The following RNF150 variants were observed in gnomAD, a reference collection of about 807,000 sequenced individuals.
RNF150 encodes ring finger protein 150.
RNF150 carries 24 observed loss-of-function variants against 39.3 expected under a neutral mutation model. That is an observed-to-expected ratio of 0.61 (90% CI 0.44 to 0.86). The LOEUF (loss-of-function observed/expected upper bound fraction) is 0.86. Ranked by LOEUF, RNF150 falls within the 40% of genes least tolerant of loss-of-function variation. The probability of loss-of-function intolerance (pLI) is 0.00; values close to 1 mark genes in which losing one functional copy is unlikely to be tolerated. For synonymous variants in RNF150, 255 were observed against 227.3 expected (o/e 1.12, Z -1.10); for missense variants, 502 against 587.8 (o/e 0.85, Z 1.51).
At chr4:140,877,799 A>T (rs777458943) in intron 6 of RNF150, among the ~76,000 whole-genome samples, 30 of 152,220 alleles carry the variant, frequency 2.0e-4, no homozygotes, top group Non-Finnish European at 3.8e-4. Flanking sequence ...GTGGGTAACC[A>T]AGAGGATTCA....
chr4:140,992,268 G>C (rs1270853396), intron 1 of RNF150, among the ~76,000 whole-genome samples: 1 of 152,152 alleles, frequency 6.6e-6, no homozygotes, highest in Non-Finnish European at 1.5e-5. Flanking sequence ...ACTTTGGGAG[G>C]CTGAGGTAGG....
At chr4:141,094,088 G>C (rs1738690619) in intron 1 of RNF150, among the ~76,000 whole-genome samples, 1 of 152,152 alleles carries the variant, frequency 6.6e-6, no homozygotes, top group Non-Finnish European at 1.5e-5. Flanking sequence ...CAAGAATGCA[G>C]AGAAAATGTT....
chr4:140,897,703 G>GT (rs1204136929), intron 6 of RNF150, among the ~76,000 whole-genome samples: 1 of 152,132 alleles, frequency 6.6e-6, no homozygotes, highest in Non-Finnish European at 1.5e-5. Flanking sequence ...TTGGCACAAA[G>GT]TTTACTAGTG....
At chr4:141,059,331 G>A (rs546991404) in intron 1 of RNF150, among the ~76,000 whole-genome samples, 3 of 151,920 alleles carry the variant, frequency 2.0e-5, no homozygotes, top group Non-Finnish European at 4.4e-5. Flanking sequence ...AATGATTTTG[G>A]TTTTGCATCA....
At position 141,171,536 on chromosome 4, in the gene RNF150, G is replaced by A. The variant is rs541288717; in HGVS notation, c.-6+41258C>T. On this transcript the variant is annotated intron_variant, in intron 1 of 7. Transcript: ENST00000420921. ...ACTTACTAGTGAGTGAGCACAGAAT[G>A]GGGGAACTGAATCCATTACCTCAGT... Among the ~76,000 whole-genome samples, 5 of 152,204 alleles carry A rather than the reference G, an allele frequency of 3.3e-5. No individual in the cohort carries two copies. The East Asian group carries it at 9.7e-4, about 29-fold the overall frequency.
At chr4:140,968,040 C>T (rs1040249312) in intron 1 of RNF150, among the ~76,000 whole-genome samples, 167 bp from the exon 2 acceptor site, 1 of 152,108 alleles carries the variant, frequency 6.6e-6, no homozygotes, top group Non-Finnish European at 1.5e-5. Context: ...GTCAAATTTT[C>T]TCTTTCTTCA....
chr4:141,093,947 CAG>C lies in RNF150; in HGVS notation c.484+38376_484+38377del, dbSNP rs772334261. ...CAAGAGGCTATAAAAGTTGACTAAACAGAGTTGAACAAGAACAAAAAGCAAAT... is the reference window on the plus strand; with the variant it reads ...CAAGAGGCTATAAAAGTTGACTAAACAGTTGAACAAGAACAAAAAGCAAAT... On this transcript the variant is annotated intron_variant, in intron 1 of 6. Coordinates refer to ENST00000515673, the MANE Select transcript of RNF150 (RefSeq NM_020724.2). 5.3e-4 allele frequency among the ~76,000 whole-genome samples: 81 copies of C among 152,058 alleles called. 1 individual carries two copies. The highest frequency in any genetic ancestry group is 2.0e-4 in the Admixed American group (3 of 15,272).
chr4:140,949,680 C>CT (rs1732468917), intron 2 of RNF150, among the ~76,000 whole-genome samples: 2 of 105,106 alleles, frequency 1.9e-5, no homozygotes, highest in South Asian at 2.7e-4. Flanking sequence ...CACTACCCCC[C>CT]CCCAAAAAAA....
intron 1 of RNF150, among the ~76,000 whole-genome samples, chr4:141,193,382 T>C (rs354926): frequency 0.88 from 134,004 of 152,290 alleles, 61,403 homozygotes; most frequent in Non-Finnish European, 1. Flanking sequence ...ACCTAGTCCA[T>C]GTCATTCCAG....
intron 6 of RNF150, among the ~76,000 whole-genome samples, chr4:140,881,199 A>G (rs1458740161): frequency 6.7e-6 from 1 of 149,634 alleles, no homozygotes; most frequent in African/African-American, 2.5e-5. Context: ...GTCTAGCTGT[A>G]TGGCACAGGC....
At chr4:140,971,007 TC>T (rs549177396) in intron 1 of RNF150, among the ~76,000 whole-genome samples, 387 of 152,228 alleles carry the variant, frequency 2.5e-3, no homozygotes, top group African/African-American at 9.0e-3. Flanking sequence ...AATTTAGGTA[TC>T]TAGGGTGTCC....
At chr4:141,114,766 C>A (rs1216795596) in intron 1 of RNF150, among the ~76,000 whole-genome samples, 1 of 152,192 alleles carries the variant, frequency 6.6e-6, no homozygotes, top group African/African-American at 2.4e-5. Flanking sequence ...CAAACCAAAT[C>A]CAGCAGGACA....
intron 5 of RNF150, among the ~76,000 whole-genome samples, 197 bp from the exon 6 acceptor site, chr4:140,911,551 A>C (rs1730606983): frequency 6.6e-6 from 1 of 152,166 alleles, no homozygotes. Flanking sequence ...TTCCTTTCCA[A>C]AGGTTCATTT....
intron 6 of RNF150, among the ~76,000 whole-genome samples, chr4:140,871,586 G>A (rs1728946270): frequency 6.6e-6 from 1 of 152,050 alleles, no homozygotes; most frequent in African/African-American, 2.4e-5. Flanking sequence ...TAAACTGGAA[G>A]TCAACCAAAG....
chr4:140,920,753 C>T (rs900686869), intron 5 of RNF150, among the ~76,000 whole-genome samples: 11 of 151,970 alleles, frequency 7.2e-5, no homozygotes, highest in African/African-American at 1.7e-4. Flanking sequence ...TTTATTGCGG[C>T]ACTATTCACG....
At chr4:140,918,228 C>T (rs2065620618) in intron 5 of RNF150, among the ~76,000 whole-genome samples, 1 of 152,058 alleles carries the variant, frequency 6.6e-6, no homozygotes. Context: ...ACAAAAAACC[C>T]TTCAAAAAAT....
At chr4:140,916,940 C>A (rs1219752982) in intron 5 of RNF150, among the ~76,000 whole-genome samples, 2 of 152,156 alleles carry the variant, frequency 1.3e-5, no homozygotes, top group South Asian at 2.1e-4. Flanking sequence ...TCCAGCCAAA[C>A]TAAGCTTCAT....
intron 1 of RNF150, among the ~76,000 whole-genome samples, chr4:140,992,992 G>A (rs539743010): frequency 3.3e-5 from 5 of 152,062 alleles, no homozygotes; most frequent in Non-Finnish European, 7.4e-5. Context: ...AGGATCCACA[G>A]GAGAGGACGG....
intron 1 of RNF150, among the ~76,000 whole-genome samples, chr4:140,984,493 G>A (rs547884108): frequency 5.9e-5 from 9 of 152,182 alleles, no homozygotes; most frequent in East Asian, 3.9e-4. Flanking sequence ...AGAAGGGTTC[G>A]GCAACTGAGT....
Sources: allele counts gnomAD v4.1 joint callset (sites outside exome capture counted in the v4.1 genomes callset), GRCh38; gene constraint gnomAD v4.1.1; transcripts MANE v1.5; gene names NCBI Gene and HGNC (gene_info 2026-07-23, HGNC 2026-07-21).